Variants in NELL1 observed in about 807,000 individuals in gnomAD.
The protein encoded by NELL1 is neural EGFL like 1.
In NELL1, 76 loss-of-function variants were observed where a neutral mutation model predicts 107.4. The observed-to-expected ratio is 0.71, with a 90% CI of 0.59 to 0.86. The LOEUF is 0.86. Among genes scored for constraint, NELL1 ranks in the 40% least tolerant of loss-of-function variants. The pLI, the probability that NELL1 is intolerant of heterozygous loss-of-function variation, is 0.00. For missense variants in NELL1, 1,024 were observed against 1,005.5 expected, an observed-to-expected ratio of 1.02 and a Z score of -0.25; for synonymous variants, 353 against 341.2, an observed-to-expected ratio of 1.03 and a Z score of -0.38.
rs1283411830 is a variant in NELL1, at chr11:21,276,865, A to C, written c.1549+47411A>C. Among the ~76,000 whole-genome samples the C allele has an allele frequency of 5.9e-5, 9 of 152,176 alleles. No homozygotes were observed. The South Asian group carries it at 1.4e-3, about 25-fold the overall frequency. ...GCCATACGTAGAAAGCTGAAACTGGATCCCTTCCTTACATCTTATACAAAA... is the reference window on the plus strand; with the variant it reads ...GCCATACGTAGAAAGCTGAAACTGGCTCCCTTCCTTACATCTTATACAAAA... On this transcript the variant is annotated intron_variant, in intron 14 of 19. Transcript: ENST00000357134.
intron 2 of NELL1, among the ~76,000 whole-genome samples, chr11:20,681,494 C>G (rs753193222): frequency 3.9e-5 from 6 of 151,966 alleles, no homozygotes; most frequent in Non-Finnish European, 8.8e-5. Context: ...ATTTTTAACT[C>G]CCTGTTGAAG....
intron 2 of NELL1, among the ~76,000 whole-genome samples, chr11:20,699,280 G>C (rs143434827): frequency 1.1e-4 from 17 of 152,198 alleles, no homozygotes; most frequent in South Asian, 1.0e-3. Flanking sequence ...CATCCATGTT[G>C]CTGTGAATGC....
At chr11:21,405,037 T>C (rs1479463801) in intron 15 of NELL1, among the ~76,000 whole-genome samples, 1 of 152,038 alleles carries the variant, frequency 6.6e-6, no homozygotes, top group African/African-American at 2.4e-5. Flanking sequence ...AAGCCTGTGT[T>C]TGAAGAAAGG....
intron 14 of NELL1, among the ~76,000 whole-genome samples, chr11:21,359,037 G>A (rs1431386019): frequency 6.6e-6 from 1 of 152,064 alleles, no homozygotes; most frequent in Non-Finnish European, 1.5e-5. Flanking sequence ...GTAAAACTGG[G>A]CATTCTTGTC....
intron 12 of NELL1, among the ~76,000 whole-genome samples, chr11:21,107,217 A>G (rs1854990749): frequency 2.0e-5 from 3 of 152,146 alleles, no homozygotes; most frequent in Admixed American, 2.0e-4. Context: ...GGGTTTGGAC[A>G]AATATATAAT....
chr11:20,806,843 C>A (rs1857395302), intron 3 of NELL1, among the ~76,000 whole-genome samples: 1 of 152,108 alleles, frequency 6.6e-6, no homozygotes, highest in Non-Finnish European at 1.5e-5. Context: ...TACTTTGATG[C>A]ATTCTTCAGT....
At position 21,571,877 on chromosome 11, in the gene NELL1, G is replaced by A. The variant is rs529986181; in HGVS notation, c.2157+937G>A. On this transcript the variant is annotated intron_variant, in intron 18 of 19. Coordinates refer to ENST00000357134, the MANE Select transcript of NELL1 (RefSeq NM_006157.5). Reference sequence around the variant, plus strand: ...AATGGAAACTATTAGCTGTGTGTCCGTAATTTAACATTTGCTGACATGAAT... The same window carrying A: ...AATGGAAACTATTAGCTGTGTGTCCATAATTTAACATTTGCTGACATGAAT... 3.3e-4 allele frequency among the ~76,000 whole-genome samples: 50 copies of A among 151,954 alleles called. No homozygotes were observed. In the Middle Eastern group the frequency reaches 0.014, roughly 41 times the overall value.
intron 12 of NELL1, among the ~76,000 whole-genome samples, chr11:21,029,275 A>C (rs1037135817): frequency 1.6e-4 from 25 of 152,156 alleles, no homozygotes; most frequent in Non-Finnish European, 2.9e-4. Flanking sequence ...AACAAGCTTA[A>C]ATTTCCTATC....
At chr11:21,490,057 C>CA (rs1156514200) in intron 15 of NELL1, among the ~76,000 whole-genome samples, 2 of 149,824 alleles carry the variant, frequency 1.3e-5, no homozygotes, top group African/African-American at 5.1e-5. Context: ...AAAGACACCA[C>CA]AAAAAAATCT....
intron 3 of NELL1, among the ~76,000 whole-genome samples, chr11:20,802,551 C>T (rs1205283894): frequency 1.3e-5 from 2 of 151,784 alleles, no homozygotes; most frequent in Non-Finnish European, 2.9e-5. Context: ...AATTGTATAT[C>T]GTTTGTTTCT....
intron 14 of NELL1, among the ~76,000 whole-genome samples, chr11:21,348,608 A>T (rs1850736133): frequency 6.6e-6 from 1 of 152,152 alleles, no homozygotes; most frequent in Admixed American, 6.6e-5. Context: ...GAAAAGAAAA[A>T]AAACAGTGTT....
intron 4 of NELL1, among the ~76,000 whole-genome samples, chr11:20,868,883 A>C (rs1849145984): frequency 6.6e-6 from 1 of 152,168 alleles, no homozygotes; most frequent in Non-Finnish European, 1.5e-5. Context: ...AGACATTTTG[A>C]CAGCAATGTA....
intron 14 of NELL1, among the ~76,000 whole-genome samples, chr11:21,351,107 A>C (rs1203256391): frequency 6.6e-6 from 1 of 152,138 alleles, no homozygotes; most frequent in Non-Finnish European, 1.5e-5. Flanking sequence ...AGTCACATAA[A>C]GATGAAGGCA....
At chr11:20,897,581 C>T (rs1849769465) in intron 5 of NELL1, among the ~76,000 whole-genome samples, 1 of 152,032 alleles carries the variant, frequency 6.6e-6, no homozygotes, top group Non-Finnish European at 1.5e-5. Context: ...TCTAATTAAA[C>T]TAAAGAGCTT....
intron 4 of NELL1, 45 bp downstream of exon 4, chr11:20,847,798 A>C: frequency 6.5e-7 from 1 of 1,541,172 alleles, no homozygotes; most frequent in Non-Finnish European, 8.8e-7. Flanking sequence ...CCTTGAAATC[A>C]AGCAATGGAA....
chr11:21,115,331 A>AACACAC (rs66507806), intron 13 of NELL1, among the ~76,000 whole-genome samples: 5,936 of 140,622 alleles, frequency 0.042, 159 homozygotes, highest in South Asian at 0.072. Flanking sequence ...GTCTACATCA[A>AACACAC]ACACACACAC....
At chr11:20,693,173 T>C (rs573035440) in intron 2 of NELL1, among the ~76,000 whole-genome samples, 2,456 of 151,998 alleles carry the variant, frequency 0.016, 30 homozygotes, top group Non-Finnish European at 0.023. Flanking sequence ...TTTGAGCCTA[T>C]GTGTGTCTCT....
At position 20,856,645 on chromosome 11, in the gene NELL1, A is replaced by G. The variant is rs935799405; in HGVS notation, c.506+8892A>G. ...CTAATCCTTCCATGTACTTTTGCTAATATCTGCTTTCCAGGTCTGATGCTG... is the reference window on the plus strand; with the variant it reads ...CTAATCCTTCCATGTACTTTTGCTAGTATCTGCTTTCCAGGTCTGATGCTG... On this transcript the variant is annotated intron_variant, in intron 4 of 19. Coordinates refer to ENST00000357134, the MANE Select transcript of NELL1 (RefSeq NM_006157.5). Among the ~76,000 whole-genome samples the G allele has an allele frequency of 1.3e-4, 20 of 152,240 alleles. 1 individual carries two copies. Among genetic ancestry groups the G allele is most frequent in the African/African-American group, 4.3e-4 (18 of 41,468 alleles).
intron 15 of NELL1, among the ~76,000 whole-genome samples, chr11:21,449,492 G>T (rs4291669): frequency 0.72 from 109,587 of 151,690 alleles, 42,178 homozygotes; most frequent in South Asian, 0.89. Flanking sequence ...AATATCTGCA[G>T]ATTTTGTAGC....
Sources: allele counts gnomAD v4.1 joint callset (sites outside exome capture counted in the v4.1 genomes callset), GRCh38; gene constraint gnomAD v4.1.1; transcripts MANE v1.5; gene names NCBI Gene and HGNC (gene_info 2026-07-23, HGNC 2026-07-21).